The following CNTN5 variants were observed in gnomAD, a reference collection of about 807,000 sequenced individuals.
CNTN5 encodes contactin-5.
Under a neutral mutation model 129.1 loss-of-function variants are expected in CNTN5, and 77 were observed. That is an observed-to-expected ratio of 0.60 (90% CI 0.50 to 0.72). CNTN5 has a LOEUF of 0.72. Ranked by LOEUF, CNTN5 falls within the 30% of genes least tolerant of loss-of-function variation. The pLI is 0.00. For missense variants in CNTN5, 1,478 were observed against 1,328.8 expected (o/e 1.11, Z -1.75); for synonymous variants, 509 against 465.6 (o/e 1.09, Z -1.20).
In CNTN5 at chr11:99,901,284, A is replaced by G. The variant is rs1039576230; in HGVS notation, c.578-14770A>G. Among the ~76,000 whole-genome samples the G allele has an allele frequency of 4.6e-5, 7 of 152,092 alleles. No individual in the cohort carries two copies. In the South Asian group the frequency reaches 1.2e-3, roughly 27 times the overall value. ...GATTTTCTGAGAACTTCTTTTGGTC[A>G]TACATTTTCTATTTTTTTTTTCTTG... is the stretch of plus-strand genomic sequence containing the variant. On this transcript the variant is annotated intron_variant, in intron 6 of 24. Coordinates refer to ENST00000524871, the MANE Select transcript of CNTN5 (RefSeq NM_014361.4).
chr11:100,327,866 T>C (rs942956243), intron 21 of CNTN5, among the ~76,000 whole-genome samples: 9 of 152,134 alleles, frequency 5.9e-5, no homozygotes, highest in African/African-American at 2.2e-4. Context: ...TAAAACCAAT[T>C]AGTAGAAAGA....
chr11:99,662,660 G>A (rs968824138), intron 3 of CNTN5, among the ~76,000 whole-genome samples: 2 of 152,164 alleles, frequency 1.3e-5, no homozygotes, highest in Non-Finnish European at 2.9e-5. Context: ...TTCAGTGTGT[G>A]TATTTAGCAT....
chr11:99,148,186 C>G (rs894432706), intron 1 of CNTN5, among the ~76,000 whole-genome samples: 1 of 151,950 alleles, frequency 6.6e-6, no homozygotes, highest in Admixed American at 6.6e-5. Context: ...TAAAAAGGGC[C>G]TTTTAAAATA....
At chr11:99,599,125 A>C (rs1462128125) in intron 3 of CNTN5, among the ~76,000 whole-genome samples, 1 of 152,036 alleles carries the variant, frequency 6.6e-6, no homozygotes, top group Non-Finnish European at 1.5e-5. Context: ...TTGTATCCTC[A>C]TAATATACAC....
intron 1 of CNTN5, among the ~76,000 whole-genome samples, chr11:99,261,102 C>T (rs1228814856): frequency 6.6e-6 from 1 of 151,746 alleles, no homozygotes; most frequent in East Asian, 1.9e-4. Flanking sequence ...AAAAAAAATG[C>T]AGTCCTAAAA....
At chr11:100,058,222 A>G (rs1030790649) in intron 9 of CNTN5, among the ~76,000 whole-genome samples, 3 of 152,102 alleles carry the variant, frequency 2.0e-5, no homozygotes, top group Non-Finnish European at 2.9e-5. Context: ...CAATCAAGGA[A>G]AACACAGTCA....
At chr11:99,913,779 T>C (rs376045835) in intron 6 of CNTN5, among the ~76,000 whole-genome samples, 1 of 152,132 alleles carries the variant, frequency 6.6e-6, no homozygotes, top group Non-Finnish European at 1.5e-5. Context: ...AATAGGTTGA[T>C]TTGAAATGTC....
intron 1 of CNTN5, among the ~76,000 whole-genome samples, chr11:99,295,799 C>T (rs549258765): frequency 6.6e-6 from 1 of 150,752 alleles, no homozygotes; most frequent in African/African-American, 2.4e-5. Flanking sequence ...TGGCGTGAAC[C>T]CAGGAAGCAG....
chr11:99,780,336 C>T (rs1479363457), intron 3 of CNTN5, among the ~76,000 whole-genome samples: 2 of 152,020 alleles, frequency 1.3e-5, no homozygotes. Flanking sequence ...ATGGCTAATA[C>T]AAGATTATTA....
At chr11:100,313,882 G>A (rs2138938977) in intron 21 of CNTN5, among the ~76,000 whole-genome samples, 1 of 152,126 alleles carries the variant, frequency 6.6e-6, no homozygotes, top group East Asian at 1.9e-4. Flanking sequence ...ACCAAAAAGA[G>A]GGAACTGGTC....
intron 7 of CNTN5, 49 bp downstream of exon 7, chr11:99,916,198 T>C (rs1949786412): frequency 6.9e-7 from 1 of 1,442,918 alleles, no homozygotes; most frequent in Non-Finnish European, 9.7e-7. Flanking sequence ...TCTTTTGCTA[T>C]GTGTTCATTC....
chr11:99,906,480 A>T (rs1020335423), intron 6 of CNTN5, among the ~76,000 whole-genome samples: 1 of 152,150 alleles, frequency 6.6e-6, no homozygotes, highest in African/African-American at 2.4e-5. Flanking sequence ...CTTGAATACC[A>T]GGGATGAAGC....
intron 9 of CNTN5, among the ~76,000 whole-genome samples, chr11:100,035,024 G>T (rs940418804): frequency 1.3e-5 from 2 of 151,948 alleles, no homozygotes; most frequent in African/African-American, 4.8e-5. Flanking sequence ...GCAACGTGCA[G>T]GTTTGTTACA....
chr11:99,340,769 C>A (rs115917263), intron 2 of CNTN5, among the ~76,000 whole-genome samples: 1 of 152,066 alleles, frequency 6.6e-6, no homozygotes, highest in Admixed American at 6.5e-5. Flanking sequence ...AAAAATAATT[C>A]TATAAAATAA....
intron 6 of CNTN5, among the ~76,000 whole-genome samples, chr11:99,872,615 T>C (rs371988523): frequency 8.5e-5 from 13 of 152,216 alleles, no homozygotes; most frequent in African/African-American, 2.4e-4. Context: ...CAGGAGACTT[T>C]GTTTGCAAGA....
intron 23 of CNTN5, among the ~76,000 whole-genome samples, chr11:100,341,720 A>G (rs371647167): frequency 6.6e-6 from 1 of 152,322 alleles, no homozygotes; most frequent in East Asian, 1.9e-4. Context: ...GTTCTGTGAC[A>G]GTAAGATCTG....
At chr11:99,788,170 C>A (rs542028222) in intron 3 of CNTN5, among the ~76,000 whole-genome samples, 1 of 151,978 alleles carries the variant, frequency 6.6e-6, no homozygotes, top group Admixed American at 6.6e-5. Context: ...AAAGTTTTTA[C>A]GATTTTCCGT....
chr11:99,123,280 G>A (rs1858449600), intron 1 of CNTN5, among the ~76,000 whole-genome samples: 1 of 151,318 alleles, frequency 6.6e-6, no homozygotes, highest in African/African-American at 2.4e-5. Flanking sequence ...GTTTTGATTT[G>A]CATTTCTCTG....
At chr11:99,824,844 C>T (rs1338068618) in intron 4 of CNTN5, among the ~76,000 whole-genome samples, 1 of 151,958 alleles carries the variant, frequency 6.6e-6, no homozygotes. Context: ...AAACCACTCA[C>T]TTATATATGT....
Sources: allele counts gnomAD v4.1 joint callset (sites outside exome capture counted in the v4.1 genomes callset), GRCh38; gene constraint gnomAD v4.1.1; transcripts MANE v1.5; gene names NCBI Gene and HGNC (gene_info 2026-07-23, HGNC 2026-07-21).